TBC1D1: variants seen among roughly 807,000 people sequenced by gnomAD.
The protein encoded by TBC1D1 is TBC1 domain family member 1.
In TBC1D1, 89 loss-of-function variants were observed where a neutral mutation model predicts 125.6. The ratio of observed to expected loss-of-function variants is 0.71; its 90% CI spans 0.60 to 0.85. The LOEUF (loss-of-function observed/expected upper bound fraction) is 0.85, where lower values mean the gene tolerates loss of function less well. TBC1D1 is among the 40% of genes least tolerant of loss of function. The probability of loss-of-function intolerance (pLI) is 0.00; values close to 1 mark genes in which losing one functional copy is unlikely to be tolerated. For synonymous variants in TBC1D1, 565 were observed against 564.1 expected, an observed-to-expected ratio of 1.00 and a Z score of -0.02; for missense variants, 1,377 against 1,469.2, an observed-to-expected ratio of 0.94 and a Z score of 1.03.
At chr4:37,920,068 A>G (rs569946315) in intron 2 of TBC1D1, among the ~76,000 whole-genome samples, 3 of 152,316 alleles carry the variant, frequency 2.0e-5, no homozygotes, top group South Asian at 4.1e-4. Context: ...AGCCGAGATA[A>G]CGCCACTGCA....
intron 8 of TBC1D1, among the ~76,000 whole-genome samples, chr4:38,037,975 A>G (rs1392991056): frequency 6.6e-6 from 1 of 152,246 alleles, no homozygotes; most frequent in Non-Finnish European, 1.5e-5. Context: ...TGGTACAAAA[A>G]TTAGTATGAA....
chr4:38,028,817 G>A (rs568137263), intron 7 of TBC1D1, among the ~76,000 whole-genome samples: 144 of 152,278 alleles, frequency 9.5e-4, no homozygotes, highest in African/African-American at 3.3e-3. Context: ...TGTGGGAGTC[G>A]AATGAGACAA....
chr4:37,911,919 G>A (rs1312837320), intron 2 of TBC1D1, among the ~76,000 whole-genome samples: 1 of 152,218 alleles, frequency 6.6e-6, no homozygotes, highest in African/African-American at 2.4e-5. Context: ...AAAAGCAAGA[G>A]ACGAACTATG....
intron 2 of TBC1D1, among the ~76,000 whole-genome samples, chr4:38,001,088 C>T (rs763072667): frequency 1.2e-4 from 18 of 152,100 alleles, no homozygotes; most frequent in Middle Eastern, 3.4e-3. Flanking sequence ...GGCATGGTGG[C>T]GGGCACCTGT....
intron 2 of TBC1D1, among the ~76,000 whole-genome samples, chr4:37,939,224 A>G (rs1322207191): frequency 3.9e-5 from 6 of 152,180 alleles, no homozygotes; most frequent in East Asian, 1.9e-4. Context: ...CATTCTAACC[A>G]GTGTGAGATG....
At chr4:38,079,681 T>C (rs1756212495) in intron 12 of TBC1D1, among the ~76,000 whole-genome samples, 5 of 152,092 alleles carry the variant, frequency 3.3e-5, no homozygotes, top group Admixed American at 3.3e-4. Context: ...TGAGCCAAGA[T>C]TGTGCCATTG....
chr4:37,981,213 G>T (rs777757784), intron 2 of TBC1D1, among the ~76,000 whole-genome samples: 4 of 152,198 alleles, frequency 2.6e-5, no homozygotes, highest in Non-Finnish European at 5.9e-5. Flanking sequence ...AAAGTGTTGG[G>T]ATTACAGGTG....
At chr4:38,032,172 A>G (rs1458185634) in intron 7 of TBC1D1, among the ~76,000 whole-genome samples, 1 of 152,156 alleles carries the variant, frequency 6.6e-6, no homozygotes, top group Non-Finnish European at 1.5e-5. Flanking sequence ...TACAAAAATT[A>G]GCCAGGCATG....
chr4:38,052,459 G>C (rs1421020431), intron 11 of TBC1D1, among the ~76,000 whole-genome samples: 1 of 151,148 alleles, frequency 6.6e-6, no homozygotes, highest in East Asian at 1.9e-4. Context: ...AGCCTCCCGA[G>C]TAGCTGGGAC....
intron 2 of TBC1D1, among the ~76,000 whole-genome samples, chr4:37,922,491 G>A (rs1369468368): frequency 6.6e-6 from 1 of 152,214 alleles, no homozygotes; most frequent in Non-Finnish European, 1.5e-5. Flanking sequence ...CCAAGAGCCT[G>A]TGCCTTTAAG....
chr4:37,894,140 T>C (rs1429750713), intron 1 of TBC1D1, among the ~76,000 whole-genome samples: 1 of 152,010 alleles, frequency 6.6e-6, no homozygotes, highest in Non-Finnish European at 1.5e-5. Flanking sequence ...AGGCGTGCTC[T>C]ACCACGGCCG....
intron 2 of TBC1D1, among the ~76,000 whole-genome samples, chr4:37,934,673 T>TG (rs1724011629): frequency 6.6e-6 from 1 of 152,100 alleles, no homozygotes. Context: ...GGGGTTTCTG[T>TG]GAGGGAGAGA....
chr4:37,894,334 A>G (rs1400533025), intron 1 of TBC1D1, among the ~76,000 whole-genome samples: 1 of 152,178 alleles, frequency 6.6e-6, no homozygotes, highest in Non-Finnish European at 1.5e-5. Flanking sequence ...GAGGTCTTAG[A>G]TGCAGGGGCA....
chr4:38,085,071 AT>A (rs2152531347), intron 12 of TBC1D1, among the ~76,000 whole-genome samples: 1 of 152,364 alleles, frequency 6.6e-6, no homozygotes, highest in South Asian at 2.1e-4. Context: ...GATTCTGTTC[AT>A]AACAATGATG....
intron 12 of TBC1D1, among the ~76,000 whole-genome samples, chr4:38,061,011 A>C (rs1029824314): frequency 6.6e-6 from 1 of 152,214 alleles, no homozygotes; most frequent in Non-Finnish European, 1.5e-5. Flanking sequence ...CTCAAGTCTC[A>C]AATAAGTCTG....
At chr4:37,930,171 C>G (rs908356288) in intron 2 of TBC1D1, among the ~76,000 whole-genome samples, 1 of 152,082 alleles carries the variant, frequency 6.6e-6, no homozygotes, top group East Asian at 1.9e-4. Context: ...TAAAAAGCAA[C>G]TAAATGAACT....
intron 2 of TBC1D1, among the ~76,000 whole-genome samples, chr4:37,936,587 A>ATG (rs1168620883): frequency 2.6e-5 from 4 of 152,216 alleles, no homozygotes; most frequent in African/African-American, 9.6e-5. Context: ...TGACCTCAAA[A>ATG]GCAAGGCCAG....
rs199510775 is a variant in TBC1D1 at position 38,116,530 on chromosome 4, C to CT, written c.2802+577dup. Among the ~76,000 whole-genome samples the CT allele has an allele frequency of 8.5e-3, 1,289 of 152,294 alleles. 13 individuals are homozygous for CT. Among genetic ancestry groups the CT allele is most frequent in the Non-Finnish European group, 0.014 (963 of 68,022 alleles). On this transcript the variant is annotated intron_variant, in intron 16 of 19. Coordinates refer to ENST00000261439, the MANE Select transcript of TBC1D1 (RefSeq NM_015173.4). ...CTTGTTTCCATAATCATCTCCCTGT[C>CT]TATTTTCTGATTTTTCATAGCCTGT...
At chr4:37,900,316 AG>A (rs1715646724) in intron 1 of TBC1D1, among the ~76,000 whole-genome samples, 2 of 152,048 alleles carry the variant, frequency 1.3e-5, no homozygotes, top group African/African-American at 4.8e-5. Flanking sequence ...GATGGTCAAT[AG>A]GAAGTGGAGA....
Sources: gnomAD v4.1 joint callset for allele counts (sites outside exome capture counted in the v4.1 genomes callset) on GRCh38, gnomAD v4.1.1 for gene constraint, MANE v1.5 for transcripts, NCBI Gene and HGNC (gene_info 2026-07-23, HGNC 2026-07-21) for gene names.